The following CSMD1 variants were observed in gnomAD, a reference collection of about 807,000 sequenced individuals.
CSMD1 encodes the protein CUB and sushi domain-containing protein 1.
In CSMD1, 213 loss-of-function variants were observed where a neutral mutation model predicts 417.5. That is an observed-to-expected ratio of 0.51 (90% CI 0.46 to 0.57). CSMD1 has a LOEUF of 0.57. Ranked by LOEUF, CSMD1 falls within the 20% of genes least tolerant of loss-of-function variation. The probability of loss-of-function intolerance (pLI) is 0.00; values close to 1 mark genes in which losing one functional copy is unlikely to be tolerated. For synonymous variants in CSMD1, 2,862 were observed against 1,736.8 expected, an observed-to-expected ratio of 1.65 and a Z score of -16.11; for missense variants, 6,923 against 4,529.7, an observed-to-expected ratio of 1.53 and a Z score of -15.17.
chr8:3,908,822 A>T (rs1358701484), intron 5 of CSMD1, among the ~76,000 whole-genome samples: 1 of 152,212 alleles, frequency 6.6e-6, no homozygotes, highest in African/African-American at 2.4e-5. Flanking sequence ...CAGGATCTCT[A>T]TGTGAGGACC....
At chr8:4,804,012 T>A (rs17071414) in intron 1 of CSMD1, among the ~76,000 whole-genome samples, 1 of 152,136 alleles carries the variant, frequency 6.6e-6, no homozygotes, top group Non-Finnish European at 1.5e-5. Flanking sequence ...TACTCACATA[T>A]TGGAAAGCCA....
chr8:3,085,881 C>A (rs900682765), intron 49 of CSMD1, among the ~76,000 whole-genome samples: 1 of 152,118 alleles, frequency 6.6e-6, no homozygotes, highest in Non-Finnish European at 1.5e-5. Flanking sequence ...CTCTCCGGAC[C>A]CCTTTGTGCT....
At chr8:3,346,687 C>A (rs1325030680) in intron 22 of CSMD1, among the ~76,000 whole-genome samples, 5 of 152,132 alleles carry the variant, frequency 3.3e-5, no homozygotes, top group African/African-American at 1.2e-4. Flanking sequence ...TGGAGCCCGG[C>A]GGGGGCTCCA....
At chr8:4,814,015 G>A (rs1039075949) in intron 1 of CSMD1, among the ~76,000 whole-genome samples, 2 of 151,962 alleles carry the variant, frequency 1.3e-5, no homozygotes, top group African/African-American at 4.8e-5. Context: ...CACCCTTTTT[G>A]AGCTTCATCA....
intron 5 of CSMD1, among the ~76,000 whole-genome samples, chr8:3,781,418 G>C (rs1044349181): frequency 4.6e-5 from 7 of 152,268 alleles, no homozygotes; most frequent in South Asian, 2.1e-4. Flanking sequence ...AGGTGGACTG[G>C]GAGCAGCACA....
chr8:3,754,436 AT>A (rs1797540195), intron 5 of CSMD1, among the ~76,000 whole-genome samples: 1 of 130,758 alleles, frequency 7.6e-6, no homozygotes, highest in Non-Finnish European at 1.6e-5. Flanking sequence ...GTAATTCCTT[AT>A]TTATTTATTT....
chr8:4,374,522 G>A (rs139591271), intron 3 of CSMD1, among the ~76,000 whole-genome samples: 9 of 152,080 alleles, frequency 5.9e-5, no homozygotes, highest in African/African-American at 1.7e-4. Flanking sequence ...AGCAGATCTA[G>A]AGAGAAGAGG....
chr8:4,282,647 G>A (rs1258593307), intron 3 of CSMD1, among the ~76,000 whole-genome samples: 2 of 152,132 alleles, frequency 1.3e-5, no homozygotes. Flanking sequence ...CACCTTTTCA[G>A]TTTTATTTAT....
At chr8:3,882,420 T>G (rs1449814163) in intron 5 of CSMD1, among the ~76,000 whole-genome samples, 1 of 152,196 alleles carries the variant, frequency 6.6e-6, no homozygotes, top group East Asian at 1.9e-4. Context: ...AAATGTTGGT[T>G]ATGTGGAGCA....
chr8:3,530,518 C>CGTTTT (rs1797932391), intron 10 of CSMD1, among the ~76,000 whole-genome samples: 1 of 152,012 alleles, frequency 6.6e-6, no homozygotes, highest in Non-Finnish European at 1.5e-5. Context: ...TGAATCTTTT[C>CGTTTT]GTTTTGTTTT....
intron 25 of CSMD1, among the ~76,000 whole-genome samples, chr8:3,306,902 C>T (rs938293236): frequency 2.0e-5 from 3 of 152,048 alleles, no homozygotes; most frequent in African/African-American, 7.3e-5. Context: ...CATCATAACT[C>T]AGAACTCACT....
intron 2 of CSMD1, among the ~76,000 whole-genome samples, chr8:4,430,474 C>T (rs571203245): frequency 1.3e-5 from 2 of 152,210 alleles, no homozygotes; most frequent in South Asian, 4.2e-4. Flanking sequence ...ATTTAATAGA[C>T]ATGGTATATC....
At chr8:3,504,422 T>G (rs1162637366) in intron 10 of CSMD1, among the ~76,000 whole-genome samples, 1 of 152,196 alleles carries the variant, frequency 6.6e-6, no homozygotes, top group Non-Finnish European at 1.5e-5. Flanking sequence ...GATTCAAGAA[T>G]GCAGTGCAAG....
At chr8:4,059,521 A>T (rs536046948) in intron 3 of CSMD1, among the ~76,000 whole-genome samples, 1 of 152,288 alleles carries the variant, frequency 6.6e-6, no homozygotes, top group Non-Finnish European at 1.5e-5. Context: ...TTTTGAAAGG[A>T]TCAACAAAAT....
chr8:4,755,639 C>T (rs1268513139), intron 1 of CSMD1, among the ~76,000 whole-genome samples: 1 of 152,190 alleles, frequency 6.6e-6, no homozygotes, highest in African/African-American at 2.4e-5. Context: ...CCCCCAGAAT[C>T]TGCCAAACAC....
At chr8:2,975,063 A>T (rs955329274) in intron 55 of CSMD1, among the ~76,000 whole-genome samples, 18 of 152,220 alleles carry the variant, frequency 1.2e-4, no homozygotes, top group Non-Finnish European at 2.6e-4. Context: ...GATTCTGTCA[A>T]ATCTGCTTAA....
chr8:3,253,977 C>G (rs188302226), intron 26 of CSMD1, among the ~76,000 whole-genome samples: 39 of 152,276 alleles, frequency 2.6e-4, no homozygotes, highest in Admixed American at 2.0e-3. Flanking sequence ...CCTTGATGGT[C>G]TTTACAATTT....
intron 5 of CSMD1, among the ~76,000 whole-genome samples, chr8:3,802,675 G>A (rs1015981709): frequency 2.6e-5 from 4 of 152,110 alleles, no homozygotes; most frequent in Admixed American, 2.0e-4. Context: ...CTCTACTCAT[G>A]ACACTTCAAA....
chr8:3,121,443 C>G (rs145048497), intron 41 of CSMD1, among the ~76,000 whole-genome samples: 1 of 152,262 alleles, frequency 6.6e-6, no homozygotes, highest in Admixed American at 6.5e-5. Context: ...GGCATTGGCT[C>G]CCCCAGGGAC....
Sources: allele counts gnomAD v4.1 joint callset (sites outside exome capture counted in the v4.1 genomes callset), GRCh38; gene constraint gnomAD v4.1.1; transcripts MANE v1.5; gene names NCBI Gene and HGNC (gene_info 2026-07-23, HGNC 2026-07-21).